Variants in SDK1 observed in about 807,000 individuals in gnomAD.
SDK1 encodes the protein sidekick cell adhesion molecule 1, also known as protein sidekick-1.
SDK1 carries 157 observed loss-of-function variants against 245.5 expected under a neutral mutation model. The observed-to-expected ratio is 0.64, with a 90% confidence interval of 0.56 to 0.73. The LOEUF is 0.73. Among genes scored for constraint, SDK1 ranks in the 30% least tolerant of loss-of-function variants. SDK1 has a pLI of 0.00. For missense variants in SDK1, 3,583 were observed against 3,002.3 expected (o/e 1.19, Z -4.52); for synonymous variants, 1,647 against 1,278.5 (o/e 1.29, Z -6.15).
intron 29 of SDK1, among the ~76,000 whole-genome samples, chr7:4,148,322 A>G (rs984777089): frequency 2.1e-4 from 31 of 151,166 alleles, no homozygotes; most frequent in Admixed American, 1.8e-3. Context: ...ATGATAAACA[A>G]TTAAACAATT....
intron 5 of SDK1, among the ~76,000 whole-genome samples, chr7:3,927,897 G>A (rs1338990780): frequency 2.0e-5 from 3 of 152,198 alleles, no homozygotes; most frequent in African/African-American, 7.2e-5. Context: ...AGAACTACAG[G>A]AATGACCCTT....
intron 4 of SDK1, among the ~76,000 whole-genome samples, chr7:3,661,756 G>A (rs964305792): frequency 2.6e-5 from 4 of 152,154 alleles, no homozygotes; most frequent in African/African-American, 9.7e-5. Context: ...AAACCAGGCT[G>A]TCTGGGTTCA....
intron 4 of SDK1, among the ~76,000 whole-genome samples, chr7:3,794,083 C>T (rs972893982): frequency 6.6e-6 from 1 of 152,290 alleles, no homozygotes. Flanking sequence ...ATTGAATGCA[C>T]TCTTTGAATC....
chr7:3,516,114 T>C (rs1026738266), intron 1 of SDK1, among the ~76,000 whole-genome samples: 7 of 124,532 alleles, frequency 5.6e-5, no homozygotes, highest in African/African-American at 2.4e-4. Context: ...TCAGAAGATA[T>C]TTTCTTTTTT....
rs1247129076 is a variant in SDK1 at position 4,017,371 on chromosome 7, C to T, written c.2602+19C>T. 49 of 1,589,388 alleles carry T rather than the reference C, an allele frequency of 3.1e-5. No homozygotes were observed. The East Asian group carries it at 1.0e-3, about 34-fold the overall frequency. On this transcript the variant is annotated intron_variant, in intron 17 of 44. Coordinates refer to ENST00000404826, the MANE Select transcript of SDK1 (RefSeq NM_152744.4). ...CAGGGAGGTAAGCTTGTCTCCAAAA[C>T]CACGAGGTGGCGGGATCTTTGCCGG...
chr7:3,838,964 A>G (rs1780091852), intron 5 of SDK1, among the ~76,000 whole-genome samples: 1 of 152,180 alleles, frequency 6.6e-6, no homozygotes. Flanking sequence ...TCGTTTGGGC[A>G]GAGGCACGTC....
intron 4 of SDK1, among the ~76,000 whole-genome samples, chr7:3,771,198 C>G (rs1410321717): frequency 6.6e-6 from 1 of 152,086 alleles, no homozygotes; most frequent in African/African-American, 2.4e-5. Context: ...GATTCTTCAG[C>G]AAGCCCACCT....
chr7:4,238,863 AC>A (rs1786352795), intron 42 of SDK1, among the ~76,000 whole-genome samples: 2 of 151,918 alleles, frequency 1.3e-5, no homozygotes, highest in African/African-American at 2.4e-5. Context: ...CCTGTCTCTT[AC>A]AAAAAAAAAA....
chr7:4,054,817 C>G (rs1477029560), intron 19 of SDK1, among the ~76,000 whole-genome samples: 2 of 152,070 alleles, frequency 1.3e-5, no homozygotes, highest in African/African-American at 4.8e-5. Context: ...ATGAATAAAT[C>G]TTACTTTTTT....
chr7:4,120,274 A>G (rs1369520306), intron 25 of SDK1, among the ~76,000 whole-genome samples: 1 of 149,234 alleles, frequency 6.7e-6, no homozygotes, highest in African/African-American at 2.4e-5. Context: ...GACTGAAGAA[A>G]CACCAATCCC....
chr7:3,951,948 G>T, intron 7 of SDK1, 28 bp downstream of exon 7: 1 of 1,592,658 alleles, frequency 6.3e-7, no homozygotes, highest in Non-Finnish European at 8.5e-7. Flanking sequence ...AAGTGGTGTT[G>T]CCAGCATCTC....
At chr7:3,925,445 G>A (rs1400607553) in intron 5 of SDK1, among the ~76,000 whole-genome samples, 1 of 152,170 alleles carries the variant, frequency 6.6e-6, no homozygotes, top group African/African-American at 2.4e-5. Context: ...CAAAAGCGAC[G>A]GCGTTTCTAC....
Position 3,951,032 on chromosome 7 carries a change from C to T in SDK1, c.957C>T (p.Ala319=), listed in dbSNP as rs1305890288. 6.2e-7 allele frequency: 1 copy of T among 1,607,538 alleles called. No individual in the cohort carries two copies. Among genetic ancestry groups the T allele is most frequent in the African/African-American group, 1.3e-5 (1 of 74,776 alleles). The stretch of plus-strand genomic sequence containing the variant: ...CCACCTTGGAATGTATAGCCAGTGC[C>T]AGGTACGAGGCGCGTCTCCTGTGAG... The part of the protein sequence containing the change: ...SETTLECIAS[A]RPVEDLSVTW... The change falls in exon 6 of 45, where the codon GCC becomes GCT. Residue 319 remains alanine (A), a splice_region_variant and synonymous_variant. Transcript: ENST00000404826.
intron 1 of SDK1, among the ~76,000 whole-genome samples, chr7:3,540,432 G>C (rs954681661): frequency 6.6e-6 from 1 of 152,146 alleles, no homozygotes. Flanking sequence ...AGAGGCCTGG[G>C]TTGCTGGGAA....
chr7:3,575,345 A>G (rs1332123332), intron 1 of SDK1, among the ~76,000 whole-genome samples: 7 of 151,992 alleles, frequency 4.6e-5, no homozygotes, highest in Admixed American at 3.3e-4. Context: ...CCCCTCCCTT[A>G]GGACTTCTTC....
chr7:3,744,409 C>T (rs1779559170), intron 4 of SDK1, among the ~76,000 whole-genome samples: 1 of 151,994 alleles, frequency 6.6e-6, no homozygotes, highest in South Asian at 2.1e-4. Context: ...ACTTCATCTG[C>T]CAAACATATA....
At chr7:3,350,887 C>G (rs1204139259) in intron 1 of SDK1, among the ~76,000 whole-genome samples, 1 of 152,154 alleles carries the variant, frequency 6.6e-6, no homozygotes, top group Non-Finnish European at 1.5e-5. Flanking sequence ...CGTTTTGCTT[C>G]TGAAGAATTT....
At chr7:4,240,346 C>T (rs1041139306) in intron 42 of SDK1, among the ~76,000 whole-genome samples, 1 of 152,004 alleles carries the variant, frequency 6.6e-6, no homozygotes, top group Non-Finnish European at 1.5e-5. Context: ...GCCCAGGAGA[C>T]ATTGCAGAAC....
intron 1 of SDK1, among the ~76,000 whole-genome samples, chr7:3,346,791 A>ATGTG (rs375659260): frequency 0.022 from 1,223 of 56,456 alleles, 45 homozygotes; most frequent in African/African-American, 0.059. Context: ...ATATATATGT[A>ATGTG]TGTGTGTGTG....
Sources: allele counts gnomAD v4.1 joint callset (sites outside exome capture counted in the v4.1 genomes callset), GRCh38; gene constraint gnomAD v4.1.1; transcripts MANE v1.5; gene names NCBI Gene and HGNC (gene_info 2026-07-23, HGNC 2026-07-21).